The following CCDC138 variants were observed in gnomAD, a reference collection of about 807,000 sequenced individuals.
The protein encoded by CCDC138 is coiled-coil domain-containing protein 138.
In CCDC138, 66 loss-of-function variants were observed where a neutral mutation model predicts 82.3. The observed-to-expected ratio is 0.80, with a 90% CI of 0.66 to 0.98. The LOEUF (loss-of-function observed/expected upper bound fraction) is 0.98, where lower values mean the gene tolerates loss of function less well. Ranked by LOEUF, CCDC138 falls within the 50% of genes least tolerant of loss-of-function variation. The pLI, the probability that CCDC138 is intolerant of heterozygous loss-of-function variation, is 0.00. For missense variants in CCDC138, 816 were observed against 758.9 expected (o/e 1.08, Z -0.88); for synonymous variants, 297 against 265.4 (o/e 1.12, Z -1.16).
intron 13 of CCDC138, among the ~76,000 whole-genome samples, chr2:108,859,147 T>C (rs1446156537): frequency 6.6e-6 from 1 of 152,208 alleles, no homozygotes; most frequent in Non-Finnish European, 1.5e-5. Context: ...ATTTCAAAGA[T>C]GATTAGTGAT....
chr2:108,849,675 A>G (rs1021240882), intron 12 of CCDC138, among the ~76,000 whole-genome samples: 1 of 151,868 alleles, frequency 6.6e-6, no homozygotes, highest in Admixed American at 6.6e-5. Flanking sequence ...AAAGAAAAAG[A>G]AAAAAAAATC....
chr2:108,884,505 A>G (rs1696375448), intron 2 of CCDC138: 1 of 152,208 alleles, frequency 6.6e-6, no homozygotes, highest in Non-Finnish European at 1.5e-5. Context: ...AATAGAAGAA[A>G]GAGCACCGCT....
chr2:108,835,820 A>G (rs1224163605), intron 10 of CCDC138, among the ~76,000 whole-genome samples: 2 of 152,196 alleles, frequency 1.3e-5, no homozygotes, highest in Non-Finnish European at 2.9e-5. Flanking sequence ...AGACTGCACA[A>G]TCTGTAAACA....
chr2:108,814,836 A>C (rs1338801047), intron 9 of CCDC138, among the ~76,000 whole-genome samples: 2 of 151,752 alleles, frequency 1.3e-5, no homozygotes, highest in African/African-American at 4.8e-5. Context: ...GCGTTTCACC[A>C]TGTTGGCTAG....
intron 14 of CCDC138, among the ~76,000 whole-genome samples, chr2:108,875,323 A>T (rs1356296033): frequency 1.4e-4 from 3 of 21,756 alleles, no homozygotes; most frequent in Non-Finnish European, 1.2e-3. Flanking sequence ...GTATAATAAA[A>T]AAAAAAAAAA....
At chr2:108,788,483 C>T (rs1457444844) in intron 2 of CCDC138, among the ~76,000 whole-genome samples, 2 of 151,040 alleles carry the variant, frequency 1.3e-5, no homozygotes, top group African/African-American at 2.4e-5. Flanking sequence ...CTTTGGGAGG[C>T]GAGGCGGGCG....
intron 6 of CCDC138, among the ~76,000 whole-genome samples, chr2:108,799,870 T>C (rs1225071348): frequency 6.6e-6 from 1 of 152,176 alleles, no homozygotes; most frequent in Non-Finnish European, 1.5e-5. Flanking sequence ...TCATTATTTC[T>C]TTTTTAATCT....
intron 11 of CCDC138, among the ~76,000 whole-genome samples, chr2:108,844,459 C>T (rs762477543): frequency 2.0e-5 from 3 of 152,114 alleles, no homozygotes; most frequent in Non-Finnish European, 2.9e-5. Context: ...TTTCTAAAAG[C>T]GTATGCAGGT....
rs1163775653 is a variant in CCDC138 at position 108,788,137 on chromosome 2, G to T, written c.151+48G>T. 4.4e-6 allele frequency: 7 copies of T among 1,576,816 alleles called. No homozygotes were observed. In the East Asian group the frequency reaches 1.6e-4, roughly 36 times the overall value. On this transcript the variant is annotated intron_variant, in intron 2 of 14. Coordinates refer to ENST00000295124, the MANE Select transcript of CCDC138 (RefSeq NM_144978.3). ...TGGGGGTTTCAAAAATTTAATTTGA[G>T]GCTGGGCGCGGTGGCTCACGCCTGT...
chr2:108,788,170 G>A (rs1679237670), intron 2 of CCDC138, 81 bp downstream of exon 2: 6 of 1,444,660 alleles, frequency 4.2e-6, no homozygotes, highest in Middle Eastern at 5.0e-4. Context: ...TGTAATCCCA[G>A]CACTTTGGGA....
chr2:108,843,140 T>G (rs112662576), intron 11 of CCDC138, among the ~76,000 whole-genome samples: 3 of 152,062 alleles, frequency 2.0e-5, no homozygotes, highest in African/African-American at 7.3e-5. Context: ...GACTTCTTTA[T>G]CTGTTCTTTA....
chr2:108,871,608 T>G (rs1311039914), intron 13 of CCDC138, among the ~76,000 whole-genome samples: 1 of 152,036 alleles, frequency 6.6e-6, no homozygotes, highest in Non-Finnish European at 1.5e-5. Flanking sequence ...ATTGTCCCAT[T>G]TTTTGTACAT....
At chr2:108,884,720 G>A (rs1041867334) in intron 2 of CCDC138, 1 of 152,126 alleles carries the variant, frequency 6.6e-6, no homozygotes, top group Non-Finnish European at 1.5e-5. Flanking sequence ...CTCCCGGATA[G>A]GACTCTCAAG....
At chr2:108,845,512 A>G (rs1301136070) in intron 11 of CCDC138, among the ~76,000 whole-genome samples, 1 of 152,002 alleles carries the variant, frequency 6.6e-6, no homozygotes, top group Non-Finnish European at 1.5e-5. Flanking sequence ...TTAAGTTTTT[A>G]CCAAATCTGG....
chr2:108,803,109 G>T (rs924816399), intron 6 of CCDC138, among the ~76,000 whole-genome samples: 5 of 152,200 alleles, frequency 3.3e-5, no homozygotes, highest in Admixed American at 3.3e-4. Context: ...TTGCTATGCT[G>T]CTCTGGGTGT....
intron 10 of CCDC138, among the ~76,000 whole-genome samples, chr2:108,821,257 C>T (rs1245831529): frequency 6.6e-6 from 1 of 152,038 alleles, no homozygotes; most frequent in Admixed American, 6.5e-5. Context: ...ACTTTTGAGG[C>T]CGAGGCAGGA....
intron 2 of CCDC138, chr2:108,882,793 T>TA (rs752003769): frequency 2.6e-5 from 4 of 152,126 alleles, no homozygotes; most frequent in South Asian, 4.2e-4. Context: ...CACTGAGAGG[T>TA]AAGCACCTGA....
Position 108,839,414 on chromosome 2 carries a change from C to T in CCDC138, c.1323+113C>T, listed in dbSNP as rs755705403. The T allele has an allele frequency of 2.5e-5, 22 of 864,138 alleles. 1 individual carries two copies. The highest frequency in any genetic ancestry group is 2.8e-4 in the Middle Eastern group (1 of 3,588). The allele number at this position is 864,138 out of a possible 1,614,324, so 53.5% of individuals were successfully genotyped here. A position where few individuals can be genotyped will look rare whatever the true frequency, so the allele number is the denominator to read the frequency against. ...ATTCTCTGTATTTCAGAATAATCTT[C>T]CCTATCTATGTCTTGCTGGGATTTT... On this transcript the variant is annotated intron_variant, in intron 11 of 14. Coordinates refer to ENST00000295124, the MANE Select transcript of CCDC138 (RefSeq NM_144978.3).
downstream of CCDC138, among the ~76,000 whole-genome samples, chr2:108,879,206 G>C (rs979621684): frequency 1.3e-5 from 2 of 152,120 alleles, no homozygotes; most frequent in Non-Finnish European, 2.9e-5. Context: ...TCCTGAGCTC[G>C]AGCAGTCTTC....
Sources: gnomAD v4.1 joint callset for allele counts (sites outside exome capture counted in the v4.1 genomes callset) on GRCh38, gnomAD v4.1.1 for gene constraint, MANE v1.5 for transcripts, NCBI Gene and HGNC (gene_info 2026-07-23, HGNC 2026-07-21) for gene names.